Variants in G6PC2 observed in about 807,000 individuals in gnomAD.
The protein encoded by G6PC2 is glucose-6-phosphatase catalytic subunit 2.
In G6PC2, 41 loss-of-function variants were observed where a neutral mutation model predicts 35.4. The observed-to-expected ratio is 1.16, with a 90% CI of 0.90 to 1.50. The LOEUF (loss-of-function observed/expected upper bound fraction) is 1.50, where lower values mean the gene tolerates loss of function less well. Among genes scored for constraint, G6PC2 ranks in the 40% most tolerant of loss-of-function variants. The pLI is 0.00. For synonymous variants in G6PC2, 165 were observed against 153.2 expected (o/e 1.08, Z -0.57); for missense variants, 441 against 426.5 (o/e 1.03, Z -0.30).
rs941654712 is a variant in G6PC2, at chr2:168,908,242, CT to C, written c.*172del. On this transcript the variant is annotated 3_prime_UTR_variant, in exon 5 of 5. Transcript: ENST00000375363. ...TGTTTAGTTTGGCCTTCGCACTGGT[CT>C]TTTTTTTTAATCCTTCAGTTACCAA... The C allele has an allele frequency of 2.1e-4, 129 of 624,838 alleles. 1 individual carries two copies. Among genetic ancestry groups the C allele is most frequent in the African/African-American group, 3.9e-4 (21 of 54,094 alleles). The allele number at this position is 624,838 out of a possible 1,614,324, so 38.7% of individuals were successfully genotyped here.
chr2:168,907,473 T>C (rs1690737449), intron 4 of G6PC2, 95 bp from the exon 5 acceptor site: 7 of 1,262,598 alleles, frequency 5.5e-6, no homozygotes, highest in Admixed American at 5.0e-5. Flanking sequence ...CCCTTTGTCA[T>C]TGAAAACTGT....
At position 168,907,600 on chromosome 2, in the gene G6PC2, C is replaced by T; in HGVS notation, c.589C>T (p.Pro197Ser). 6.2e-7 allele frequency: 1 copy of T among 1,613,938 alleles called. No individual in the cohort carries two copies. The highest frequency in any genetic ancestry group is 8.5e-7 in the Non-Finnish European group (1 of 1,179,796). Residue 197 changes from proline (P) to serine (S), a missense_variant, in exon 5 of 5, where the codon CCA (proline) becomes TCA (serine). Transcript: ENST00000375363. ...GGTGGCAGAGGCCTTTGAACACACT[C>T]CAGGCATCCAAACGGCCAGTCTGGG... ...MLVAEAFEHT[P>S]GIQTASLGTY...
intron 4 of G6PC2, 53 bp downstream of exon 4, chr2:168,906,832 T>C: frequency 1.1e-6 from 1 of 915,582 alleles, no homozygotes; most frequent in Non-Finnish European, 1.8e-6. Flanking sequence ...TTAGTTTCAT[T>C]ATGTTTAAGG....
At chr2:168,905,264 A>G (rs1445110265) in intron 3 of G6PC2, among the ~76,000 whole-genome samples, 1 of 152,174 alleles carries the variant, frequency 6.6e-6, no homozygotes, top group Admixed American at 6.5e-5. Context: ...TTCCTGAAAT[A>G]CTTTGTCATT....
In G6PC2 at chr2:168,908,519, G is replaced by T; in HGVS notation, c.*440G>T. The T allele has an allele frequency of 4.4e-6, 1 of 225,296 alleles. No homozygotes were observed. The highest frequency in any genetic ancestry group is 6.9e-5 in the South Asian group (1 of 14,588). 14.0% of individuals were successfully genotyped at this position (225,296 alleles called of 1,614,324 possible). ...CTGATTCCTGTTGACATTTTAGTGG[G>T]GACCACAGCCATATCCAGTTTCAGT... is the stretch of plus-strand genomic sequence containing the variant. On this transcript the variant is annotated 3_prime_UTR_variant, in exon 5 of 5. Transcript: ENST00000375363.
chr2:168,903,773 C>T (rs188069799), intron 2 of G6PC2, among the ~76,000 whole-genome samples: 25 of 152,150 alleles, frequency 1.6e-4, no homozygotes, highest in African/African-American at 5.5e-4. Context: ...AATGAACTAC[C>T]AGGTGAAAAA....
intron 2 of G6PC2, among the ~76,000 whole-genome samples, chr2:168,904,044 A>G (rs1054538938): frequency 6.6e-6 from 1 of 152,122 alleles, no homozygotes; most frequent in Non-Finnish European, 1.5e-5. Context: ...TCTCAGCCCA[A>G]GGAAAATAAG....
chr2:168,906,523 T>G (rs899224439), intron 3 of G6PC2, 141 bp from the exon 4 acceptor site: 10 of 675,014 alleles, frequency 1.5e-5, no homozygotes, highest in Middle Eastern at 2.4e-4. Context: ...AACAACATTT[T>G]GAAAAAAAAG....
rs772642710 is a variant in G6PC2, at chr2:168,907,979, T to A, written c.968T>A (p.Leu323Gln). The stretch of plus-strand genomic sequence containing the variant: ...CACGAAGAGCATTTATTTTATGTGC[T>A]GTCTTTTTGTAAAAGTGCATCCATT... Reference protein sequence around the residue: ...PTHEEHLFYVLSFCKSASIPL... With the variant: ...PTHEEHLFYVQSFCKSASIPL... The change falls in exon 5 of 5, where the codon CTG becomes CAG. Residue 323 changes from leucine to glutamine, a missense_variant. Leu to Gln is a moderately radical substitution (Grantham distance 113). Coordinates refer to ENST00000375363, the MANE Select transcript of G6PC2 (RefSeq NM_021176.3). 4.2e-5 allele frequency: 68 copies of A among 1,613,742 alleles called. 1 individual carries two copies. Among genetic ancestry groups the A allele is most frequent in the Non-Finnish European group, 5.8e-5 (68 of 1,179,730 alleles).
Position 168,909,603 on chromosome 2 carries a change from G to A in G6PC2, c.*1524G>A, listed in dbSNP as rs1463184963. 1.3e-5 allele frequency: 2 copies of A among 152,004 alleles called. No individual in the cohort carries two copies. The highest frequency in any genetic ancestry group is 2.9e-5 in the Non-Finnish European group (2 of 68,018). The allele number at this position is 152,004 out of a possible 1,614,324, so 9.4% of individuals were successfully genotyped here. A position where few individuals can be genotyped will look rare whatever the true frequency, so the allele number is the denominator to read the frequency against. ...TTATATTAACAATTTCTCAGTAAGT[G>A]TGTTTTTTCCTCATTGAATCTAGGA... On this transcript the variant is annotated 3_prime_UTR_variant, in exon 5 of 5. Coordinates refer to ENST00000375363, the MANE Select transcript of G6PC2 (RefSeq NM_021176.3).
chr2:168,905,771 G>C (rs1422915017), intron 3 of G6PC2, among the ~76,000 whole-genome samples: 2 of 152,010 alleles, frequency 1.3e-5, no homozygotes, highest in Non-Finnish European at 1.5e-5. Context: ...CTGAGTGTGT[G>C]CTTCTTACCT....
In G6PC2 at chr2:168,902,499, A is replaced by G; in HGVS notation, c.273A>G (p.Pro91=). The change falls in exon 2 of 5, where the codon CCA becomes CCG. Residue 91 remains proline (P), a synonymous_variant. Coordinates refer to ENST00000375363, the MANE Select transcript of G6PC2 (RefSeq NM_021176.3). The part of the protein sequence containing the change: ...YWWVQETQIY[P]NHSSPCLEQF... ...GGGTCCAAGAAACTCAGATTTACCC[A>G]AATCACTCAAGTCCATGCCTTGAAC... is the stretch of plus-strand genomic sequence containing the variant. 1 of 1,589,848 alleles carries G rather than the reference A, an allele frequency of 6.3e-7. No individual in the cohort carries two copies. Among genetic ancestry groups the G allele is most frequent in the Non-Finnish European group, 8.6e-7 (1 of 1,157,898 alleles).
In G6PC2 at chr2:168,904,635, T is replaced by C; in HGVS notation, c.440+19T>C. The C allele has an allele frequency of 8.1e-7, 1 of 1,231,494 alleles. No individual in the cohort carries two copies. The highest frequency in any genetic ancestry group is 1.2e-5 in the South Asian group (1 of 83,564). The allele number at this position is 1,231,494 out of a possible 1,614,324, so 76.3% of individuals were successfully genotyped here. On this transcript the variant is annotated intron_variant, in intron 3 of 4. Transcript: ENST00000375363. Reference sequence around the variant, plus strand: ...TGCACAGGTCAGCTTTGCTGCAGTTTCTGTAGCACTGGAATATGACAGTTT... The same window carrying C: ...TGCACAGGTCAGCTTTGCTGCAGTTCCTGTAGCACTGGAATATGACAGTTT...
rs766606769 is a variant in G6PC2 at position 168,907,717 on chromosome 2, G to C, written c.706G>C (p.Val236Leu). Residue 236 changes from valine to leucine, a missense_variant, in exon 5 of 5, where the codon GTG becomes CTG. Transcript: ENST00000375363. ...GCTCAACATTGACCTGCTGTGGTCC[G>C]TGCCCATAGCCAAAAAGTGGTGTGC... ...RVLNIDLLWS[V>L]PIAKKWCANP... 1.2e-6 allele frequency: 2 copies of C among 1,613,978 alleles called. No individual in the cohort carries two copies. The highest frequency in any genetic ancestry group is 1.7e-6 in the Non-Finnish European group (2 of 1,179,948).
chr2:168,905,058 C>CA (rs1690677654), intron 3 of G6PC2, among the ~76,000 whole-genome samples: 1 of 152,152 alleles, frequency 6.6e-6, no homozygotes, highest in Non-Finnish European at 1.5e-5. Context: ...TTCGAATAGC[C>CA]AATGCTTTTG....
At chr2:168,907,308 C>T (rs1690734574) in intron 4 of G6PC2, among the ~76,000 whole-genome samples, 3 of 152,168 alleles carry the variant, frequency 2.0e-5, no homozygotes, top group Admixed American at 2.0e-4. Context: ...TAGATCAGTG[C>T]TCTGTCTAAA....
Position 168,909,699 on chromosome 2 carries a change from A to G in G6PC2, c.*1620A>G, listed in dbSNP as rs1690809063. 6.6e-6 allele frequency: 1 copy of G among 152,052 alleles called. No homozygotes were observed. The highest frequency in any genetic ancestry group is 2.1e-4 in the South Asian group (1 of 4,826). 9.4% of individuals were successfully genotyped at this position (152,052 alleles called of 1,614,324 possible). ...AGGATTTTGAGGCAGATTTTGCTAGATATCTTAGTAATCCCCCACAATGTT... is the reference window on the plus strand; with the variant it reads ...AGGATTTTGAGGCAGATTTTGCTAGGTATCTTAGTAATCCCCCACAATGTT... On this transcript the variant is annotated 3_prime_UTR_variant, in exon 5 of 5. Coordinates refer to ENST00000375363, the MANE Select transcript of G6PC2 (RefSeq NM_021176.3).
intron 3 of G6PC2, among the ~76,000 whole-genome samples, chr2:168,904,848 T>G (rs897995715): frequency 4.3e-4 from 66 of 152,244 alleles, no homozygotes; most frequent in African/African-American, 1.4e-3. Context: ...TTTAACTGAT[T>G]AATGACTTGC....
Position 168,907,717 on chromosome 2 carries a change from G to A in G6PC2, c.706G>A (p.Val236Met), listed in dbSNP as rs766606769. 3 of 1,613,860 alleles carry A rather than the reference G, an allele frequency of 1.9e-6. No homozygotes were observed. The highest frequency in any genetic ancestry group is 2.2e-5 in the East Asian group (1 of 44,884). The stretch of plus-strand genomic sequence containing the variant: ...GCTCAACATTGACCTGCTGTGGTCC[G>A]TGCCCATAGCCAAAAAGTGGTGTGC... ...RVLNIDLLWS[V>M]PIAKKWCANP... The change falls in exon 5 of 5, where the codon GTG becomes ATG. Residue 236 changes from valine to methionine, a missense_variant. Transcript: ENST00000375363.
Sources: gnomAD v4.1 joint callset for allele counts (sites outside exome capture counted in the v4.1 genomes callset) on GRCh38, gnomAD v4.1.1 for gene constraint, MANE v1.5 for transcripts, NCBI Gene and HGNC (gene_info 2026-07-23, HGNC 2026-07-21) for gene names.